BTK: variants seen among roughly 807,000 people sequenced by gnomAD.
BTK encodes the protein Bruton tyrosine kinase.
Under a neutral mutation model 57.4 loss-of-function variants are expected in BTK, and 5 were observed. That is an observed-to-expected ratio of 0.09 (90% CI 0.05 to 0.18). BTK has a LOEUF of 0.18. Among genes scored for constraint, BTK ranks in the 10% least tolerant of loss-of-function variants. The pLI is 1.00. For synonymous variants in BTK, 154 were observed against 174.3 expected, an observed-to-expected ratio of 0.88 and a Z score of 0.92; for missense variants, 194 against 501.2, an observed-to-expected ratio of 0.39 and a Z score of 5.85.
At chrX:101,381,250 C>T (rs1161215600) in intron 1 of BTK, among the ~76,000 whole-genome samples, 2 of 111,072 alleles carry the variant, frequency 1.8e-5, no homozygotes, top group Non-Finnish European at 3.8e-5. Flanking sequence ...ATAAACAATG[C>T]TGCTGTGAAC....
intron 1 of BTK, among the ~76,000 whole-genome samples, chrX:101,383,535 ATCT>A (rs1175287400): frequency 1.9e-5 from 2 of 107,764 alleles, no homozygotes; most frequent in Admixed American, 1.0e-4. Flanking sequence ...CTGCAGACAA[ATCT>A]TTTTTTTTTT....
chrX:101,354,974 T>C (rs1926421836), intron 15 of BTK, among the ~76,000 whole-genome samples: 1 of 112,369 alleles, frequency 8.9e-6, no homozygotes, highest in African/African-American at 3.2e-5. Flanking sequence ...CCCTCACTGA[T>C]ATGCTGAAAG....
chrX:101,366,874 CTGT>C (rs1192191749), intron 5 of BTK, among the ~76,000 whole-genome samples: 1 of 112,457 alleles, frequency 8.9e-6, no homozygotes, highest in Non-Finnish European at 1.9e-5. Flanking sequence ...TATTTTTAGC[CTGT>C]TGTGAATTTA....
intron 5 of BTK, among the ~76,000 whole-genome samples, chrX:101,369,695 T>G (rs1555979991): frequency 9.0e-6 from 1 of 110,989 alleles, no homozygotes; most frequent in Non-Finnish European, 1.9e-5. Flanking sequence ...AATACTAAGC[T>G]CAATTGTATT....
chrX:101,369,932 C>G, intron 5 of BTK, 66 bp downstream of exon 5: 1 of 996,163 alleles, frequency 1.0e-6, no homozygotes, highest in Non-Finnish European at 1.4e-6. Flanking sequence ...CTTTTCCTCC[C>G]GTCTATCTCC....
chrX:101,350,347 A>G (rs1926235119), intron 18 of BTK, among the ~76,000 whole-genome samples: 1 of 109,361 alleles, frequency 9.1e-6, no homozygotes, highest in Non-Finnish European at 1.9e-5. Context: ...TTAGTGATTA[A>G]TATTTCAAAA....
chrX:101,371,616 G>A lies in BTK; in HGVS notation c.309+17C>T, dbSNP rs1555980312. 6 of 1,202,487 alleles carry A rather than the reference G, an allele frequency of 5.0e-6. No individual in the cohort carries two copies. The highest frequency in any genetic ancestry group is 2.2e-5 in the Admixed American group (1 of 45,970). On this transcript the variant is annotated intron_variant, in intron 4 of 18. Coordinates refer to ENST00000308731, the MANE Select transcript of BTK (RefSeq NM_000061.3). ...TTACAGGGGCCTTTCGAGATTTGGT[G>A]AGAGAAAATAACTCACCTGGAAGGG...
intron 1 of BTK, among the ~76,000 whole-genome samples, chrX:101,381,189 A>G (rs1386523688): frequency 1.8e-5 from 2 of 110,605 alleles, no homozygotes; most frequent in Non-Finnish European, 3.8e-5. Flanking sequence ...ACATTCCAAT[A>G]TATTTATTCA....
intron 3 of BTK, among the ~76,000 whole-genome samples, chrX:101,371,916 T>TG (rs1927045890): frequency 8.9e-6 from 1 of 111,758 alleles, no homozygotes; most frequent in African/African-American, 3.3e-5. Context: ...TTCAAATCAC[T>TG]GGGAAAATGG....
chrX:101,362,504 G>T, intron 6 of BTK, 57 bp downstream of exon 6: 1 of 1,204,335 alleles, frequency 8.3e-7, no homozygotes. Context: ...ACAGACCCTT[G>T]GGAGAGTGAT....
At chrX:101,375,444 C>A (rs1028260749) in intron 1 of BTK, 130 bp from the exon 2 acceptor site, 3 of 616,249 alleles carry the variant, frequency 4.9e-6, no homozygotes, top group Non-Finnish European at 7.7e-6. Context: ...TTCTTCCTAC[C>A]AACCTCCTCC....
chrX:101,386,280 C>T (rs1909962467), upstream of BTK: 1 of 111,275 alleles, frequency 9.0e-6, no homozygotes, highest in Non-Finnish European at 1.9e-5. Flanking sequence ...CAGCAGCATG[C>T]TATCTGGTTC....
intron 1 of BTK, among the ~76,000 whole-genome samples, chrX:101,382,776 A>C (rs1927494341): frequency 9.0e-6 from 1 of 110,759 alleles, no homozygotes; most frequent in African/African-American, 3.3e-5. Flanking sequence ...TCTGTCTTTC[A>C]CTCTGGACTT....
intron 1 of BTK, among the ~76,000 whole-genome samples, chrX:101,382,311 T>TTTTATTTATTTA (rs781942193): frequency 0.035 from 3,698 of 104,427 alleles, 71 homozygotes; most frequent in Middle Eastern, 0.049. Context: ...GCAGTTCATG[T>TTTTATTTATTTA]TTTATTTATT....
intron 5 of BTK, among the ~76,000 whole-genome samples, chrX:101,367,047 C>T (rs1278869350): frequency 9.2e-6 from 1 of 108,521 alleles, no homozygotes; most frequent in Non-Finnish European, 1.9e-5. Flanking sequence ...AGTTCAAGAC[C>T]AGCCTGGCCA....
upstream of BTK, among the ~76,000 whole-genome samples, chrX:101,388,964 C>G (rs1181150012): frequency 8.9e-6 from 1 of 111,757 alleles, no homozygotes; most frequent in Non-Finnish European, 1.9e-5. Context: ...AAACAGAGAA[C>G]AGCTCAAGCG....
At position 101,349,931 on chromosome X, in the gene BTK, T is replaced by C. The variant is rs1555976770; in HGVS notation, c.1934A>G (p.Lys645Arg). ...HEKADERPTF[K>R]ILLSNILDVM... ...ATCTAGAATATTGCTCAGAAGAATT[T>C]TGAAAGTGGGACGCTCATCTGCTTT... The change falls in exon 19 of 19, where the codon AAA (lysine) becomes AGA (arginine). Residue 645 changes from lysine (K) to arginine (R), a missense_variant. Lys to Arg is a conservative substitution (Grantham distance 26). This residue lies in a region of BTK where 79 missense variants were observed against 217.7 expected (regional missense o/e 0.36). Coordinates refer to ENST00000308731, the MANE Select transcript of BTK (RefSeq NM_000061.3). The C allele has an allele frequency of 5.0e-6, 6 of 1,206,514 alleles. No individual in the cohort carries two copies. Among genetic ancestry groups the C allele is most frequent in the Non-Finnish European group, 6.7e-6 (6 of 892,863 alleles).
rs147141350 is a variant in BTK at position 101,357,417 on chromosome X, G to A, written c.1177+92C>T. The A allele has an allele frequency of 1.9e-5, 15 of 792,372 alleles. No homozygotes were observed. In the African/African-American group the frequency reaches 2.5e-4, roughly 13 times the overall value. The allele number at this position is 792,372 out of a possible 1,213,427, so 65.3% of individuals were successfully genotyped here. On this transcript the variant is annotated intron_variant, in intron 13 of 18. Coordinates refer to ENST00000308731, the MANE Select transcript of BTK (RefSeq NM_000061.3). ...TCCTTGAGGCAGCTGCTGCAGAACA[G>A]TGTACCTCAAGGACACTCCCTAAGG...
At chrX:101,353,783 ATC>A in intron 17 of BTK, 85 bp downstream of exon 17, 1 of 782,459 alleles carries the variant, frequency 1.3e-6, no homozygotes, top group Non-Finnish European at 2.0e-6. Context: ...CAAGAACAAT[ATC>A]TCTGTGGAGG....
Sources: allele counts gnomAD v4.1 joint callset (sites outside exome capture counted in the v4.1 genomes callset), GRCh38; gene constraint gnomAD v4.1.1; regional missense constraint gnomAD v4.1.1; transcripts MANE v1.5; gene names NCBI Gene and HGNC (gene_info 2026-07-23, HGNC 2026-07-21).